SAMD3: variants seen among roughly 807,000 people sequenced by gnomAD.
SAMD3 encodes the protein sterile alpha motif domain-containing protein 3.
Under a neutral mutation model 58.5 loss-of-function variants are expected in SAMD3, and 63 were observed. The observed-to-expected ratio is 1.08, with a 90% CI of 0.88 to 1.33. The LOEUF (loss-of-function observed/expected upper bound fraction) is 1.33, where lower values mean the gene tolerates loss of function less well. SAMD3 is among the 40% of genes most tolerant of loss of function. The pLI is 0.00. For missense variants in SAMD3, 604 were observed against 608.4 expected (o/e 0.99, Z 0.08); for synonymous variants, 220 against 210.3 (o/e 1.05, Z -0.40).
intron 2 of SAMD3, among the ~76,000 whole-genome samples, chr6:130,308,380 A>ATTCT (rs1775997498): frequency 1.0e-4 from 14 of 135,028 alleles, no homozygotes; most frequent in African/African-American, 3.2e-4. Flanking sequence ...ATTCTATTCT[A>ATTCT]TTCTATTCTA....
intron 2 of SAMD3, among the ~76,000 whole-genome samples, chr6:130,296,932 C>T (rs1775590442): frequency 6.6e-6 from 1 of 152,144 alleles, no homozygotes; most frequent in Non-Finnish European, 1.5e-5. Context: ...GTACACACCC[C>T]AGCCCCTTCC....
At chr6:130,274,788 A>C (rs78481450) in intron 2 of SAMD3, among the ~76,000 whole-genome samples, 3,812 of 149,734 alleles carry the variant, frequency 0.025, 68 homozygotes, top group Non-Finnish European at 0.04. Context: ...AGGAGGGGAC[A>C]AGGGCTGTGA....
chr6:130,175,908 C>T lies in SAMD3; in HGVS notation c.755G>A (p.Arg252Gln), dbSNP rs199973062. ...VIRNKCKFGH[R>Q]RGQTRKSLAD... Reference sequence around the variant, plus strand: ...AAGAGATTTCCTTGTCTGGCCTCTTCGGTGTCCAAATTTACACTTATTTCT... The same window carrying T: ...AAGAGATTTCCTTGTCTGGCCTCTTTGGTGTCCAAATTTACACTTATTTCT... The change falls in exon 8 of 12, where the codon CGA becomes CAA. Residue 252 changes from arginine (R) to glutamine (Q), a missense_variant. By Grantham distance (43) the Arg-to-Gln change is conservative. Coordinates refer to ENST00000439090, the MANE Select transcript of SAMD3 (RefSeq NM_001017373.4). 44 of 1,613,042 alleles carry T rather than the reference C, an allele frequency of 2.7e-5. No individual in the cohort carries two copies. Among genetic ancestry groups the T allele is most frequent in the Middle Eastern group, 3.3e-4 (2 of 6,058 alleles).
intron 5 of SAMD3, among the ~76,000 whole-genome samples, chr6:130,199,257 G>A (rs980347255): frequency 6.6e-6 from 1 of 152,196 alleles, no homozygotes; most frequent in Non-Finnish European, 1.5e-5. Flanking sequence ...TGCCCCACAA[G>A]TGGCTGTATT....
intron 1 of SAMD3, among the ~76,000 whole-genome samples, chr6:130,326,118 C>A (rs1776750799): frequency 6.6e-6 from 1 of 152,198 alleles, no homozygotes; most frequent in Admixed American, 6.5e-5. Context: ...TTCACTCTTG[C>A]CATCTCGATC....
chr6:130,315,763 A>T (rs1776342327), intron 1 of SAMD3, among the ~76,000 whole-genome samples: 1 of 152,158 alleles, frequency 6.6e-6, no homozygotes, highest in African/African-American at 2.4e-5. Context: ...ATGATTTTTT[A>T]AATAATTTAA....
chr6:130,197,576 T>C (rs916647527), intron 5 of SAMD3, among the ~76,000 whole-genome samples: 5 of 152,090 alleles, frequency 3.3e-5, no homozygotes, highest in Admixed American at 6.6e-5. Context: ...ATCCAGGCCA[T>C]CACCAATAAT....
chr6:130,152,565 T>C (rs1217767819), intron 9 of SAMD3, among the ~76,000 whole-genome samples: 2 of 151,828 alleles, frequency 1.3e-5, no homozygotes, highest in African/African-American at 4.8e-5. Flanking sequence ...TAGTCCCAGC[T>C]ACTTGGGAGG....
At chr6:130,327,301 A>G (rs1776790204) in intron 1 of SAMD3, among the ~76,000 whole-genome samples, 1 of 152,204 alleles carries the variant, frequency 6.6e-6, no homozygotes, top group African/African-American at 2.4e-5. Context: ...TTCATTCTAA[A>G]GAAAGCTGCC....
intron 2 of SAMD3, among the ~76,000 whole-genome samples, chr6:130,285,290 C>T (rs1775118155): frequency 1.3e-5 from 2 of 152,188 alleles, no homozygotes; most frequent in Admixed American, 6.5e-5. Context: ...TATTCACAGT[C>T]ATCAAGGAGA....
At chr6:130,340,577 C>CT (rs1777238605) in intron 1 of SAMD3, among the ~76,000 whole-genome samples, 1 of 152,202 alleles carries the variant, frequency 6.6e-6, no homozygotes, top group African/African-American at 2.4e-5. Context: ...GTATGGACAT[C>CT]TTTGAGGAGC....
rs139155063 is a variant in SAMD3, at chr6:130,288,082, G to A, written c.-188+24896C>T. Among the ~76,000 whole-genome samples, 5 of 152,294 alleles carry A rather than the reference G, an allele frequency of 3.3e-5. No homozygotes were observed. In the East Asian group the frequency reaches 9.6e-4, roughly 29 times the overall value. On this transcript the variant is annotated intron_variant, in intron 2 of 13. Transcript: ENST00000368134. The stretch of plus-strand genomic sequence containing the variant: ...GTAGACCATTTTGTGAAAAATATTA[G>A]GAAGCCCTTTTGTGAGGTTCCCAAG...
intron 2 of SAMD3, among the ~76,000 whole-genome samples, chr6:130,308,398 C>CTATT (rs1776008506): frequency 8.2e-5 from 12 of 145,536 alleles, no homozygotes; most frequent in African/African-American, 3.2e-4. Flanking sequence ...CTATTCTATT[C>CTATT]TATTCTATTC....
At chr6:130,311,115 C>A (rs1189745002) in intron 2 of SAMD3, among the ~76,000 whole-genome samples, 1 of 152,120 alleles carries the variant, frequency 6.6e-6, no homozygotes, top group East Asian at 1.9e-4. Context: ...CTCACCTCCT[C>A]CCGTAAATCA....
At chr6:130,292,263 CTTTCTTTCTT>C (rs1426393227) in intron 2 of SAMD3, among the ~76,000 whole-genome samples, 1 of 125,824 alleles carries the variant, frequency 7.9e-6, no homozygotes. Flanking sequence ...CTTTTTTTTT[CTTTCTTTCTT>C]TTTTTTTTTT....
Position 130,144,354 on chromosome 6 carries a change from A to ACTT in SAMD3, c.*163_*165dup, listed in dbSNP as rs1318491249. Reference sequence around the variant, plus strand: ...ATTTTATTACAGAATTTCACAAAGAACTTAATATCTAAGTGTAAAGATAGA... The same window carrying ACTT: ...ATTTTATTACAGAATTTCACAAAGAACTTCTTAATATCTAAGTGTAAAGATAGA... On this transcript the variant is annotated 3_prime_UTR_variant, in exon 12 of 12. Coordinates refer to ENST00000439090, the MANE Select transcript of SAMD3 (RefSeq NM_001017373.4). The ACTT allele has an allele frequency of 1.0e-5, 6 of 598,170 alleles. No homozygotes were observed. The highest frequency in any genetic ancestry group is 8.9e-5 in the East Asian group (3 of 33,826). 37.1% of individuals were successfully genotyped at this position (598,170 alleles called of 1,614,324 possible). A position where few individuals can be genotyped will look rare whatever the true frequency, so the allele number is the denominator to read the frequency against.
intron 2 of SAMD3, chr6:130,215,668 T>C (rs1795963388): frequency 4.2e-6 from 6 of 1,419,644 alleles, no homozygotes; most frequent in Non-Finnish European, 5.5e-6. Context: ...AATTCACCAC[T>C]ACCAGGCTCC....
intron 2 of SAMD3, among the ~76,000 whole-genome samples, chr6:130,262,119 T>C (rs1360665613): frequency 2.0e-5 from 3 of 152,182 alleles, no homozygotes; most frequent in Non-Finnish European, 4.4e-5. Context: ...TTAAAACCTG[T>C]AATTGATAAT....
chr6:130,364,165 C>A (rs544464267), intron 1 of SAMD3, among the ~76,000 whole-genome samples: 1 of 152,204 alleles, frequency 6.6e-6, no homozygotes, highest in East Asian at 1.9e-4. Flanking sequence ...CTTAGTCTAT[C>A]TTTCTTCTTT....
Sources: allele counts gnomAD v4.1 joint callset (sites outside exome capture counted in the v4.1 genomes callset), GRCh38; gene constraint gnomAD v4.1.1; transcripts MANE v1.5; gene names NCBI Gene and HGNC (gene_info 2026-07-23, HGNC 2026-07-21).